The following C9orf85 variants were observed in gnomAD, a reference collection of about 807,000 sequenced individuals.
The protein encoded by C9orf85 is chromosome 9 open reading frame 85.
In C9orf85, 16 loss-of-function variants were observed where a neutral mutation model predicts 14.9. That is an observed-to-expected ratio of 1.08 (90% confidence interval 0.73 to 1.63). The LOEUF is 1.63. Ranked by LOEUF, C9orf85 falls within the 40% of genes most tolerant of loss-of-function variation. The pLI is 0.00. For synonymous variants in C9orf85, 45 were observed against 56.8 expected (o/e 0.79, Z 0.93); for missense variants, 172 against 186.1 (o/e 0.92, Z 0.44).
chr9:71,953,456 A>G (rs577540397), intron 2 of C9orf85, among the ~76,000 whole-genome samples: 1 of 152,346 alleles, frequency 6.6e-6, no homozygotes, highest in African/African-American at 2.4e-5. Flanking sequence ...AGGAGGAAAA[A>G]GCTAATATAA....
intron 2 of C9orf85, among the ~76,000 whole-genome samples, chr9:71,949,657 A>G (rs1421618518): frequency 6.6e-6 from 1 of 152,222 alleles, no homozygotes; most frequent in Non-Finnish European, 1.5e-5. Context: ...ATAAGGAAAC[A>G]AAGACCCAAA....
chr9:71,917,964 C>T (rs896046825), intron 1 of C9orf85, among the ~76,000 whole-genome samples: 10 of 152,170 alleles, frequency 6.6e-5, no homozygotes, highest in Admixed American at 1.3e-4. Context: ...AGGCAGATCA[C>T]TTGAGGTCAG....
At chr9:71,985,943 AT>A (rs759263370), downstream of C9orf85, 14 of 152,368 alleles carry the variant, frequency 9.2e-5, no homozygotes, top group Non-Finnish European at 1.6e-4. Context: ...TTTGCTAAAT[AT>A]TCATTTGCAA....
At chr9:71,967,856 G>A (rs1037981886) in intron 2 of C9orf85, among the ~76,000 whole-genome samples, 1 of 151,770 alleles carries the variant, frequency 6.6e-6, no homozygotes, top group Admixed American at 6.6e-5. Context: ...CATTAAGTAG[G>A]AAATTAGCTG....
intron 2 of C9orf85, among the ~76,000 whole-genome samples, chr9:71,949,583 A>C (rs1245612168): frequency 6.6e-6 from 1 of 152,214 alleles, no homozygotes; most frequent in Non-Finnish European, 1.5e-5. Context: ...AACAAAAACC[A>C]GATTAAGAAG....
intron 1 of C9orf85, among the ~76,000 whole-genome samples, chr9:71,944,361 T>G (rs1254824809): frequency 1.3e-5 from 2 of 152,146 alleles, no homozygotes; most frequent in Non-Finnish European, 2.9e-5. Context: ...ATTTGATAAG[T>G]AAGGGTTTCT....
At position 71,971,698 on chromosome 9, in the gene C9orf85, G is replaced by A. The variant is rs981038379; in HGVS notation, c.323+80G>A. 3.0e-6 allele frequency: 3 copies of A among 986,148 alleles called. No homozygotes were observed. In the African/African-American group the frequency reaches 4.9e-5, roughly 16 times the overall value. 61.1% of individuals were successfully genotyped at this position (986,148 alleles called of 1,614,324 possible). Reference sequence around the variant, plus strand: ...TCTTTTAAGAGATGATCCTTGCTAGGCGCAGTGGCTCACGCCTGTAATCCC... The same window carrying A: ...TCTTTTAAGAGATGATCCTTGCTAGACGCAGTGGCTCACGCCTGTAATCCC... On this transcript the variant is annotated intron_variant, in intron 3 of 3. Transcript: ENST00000334731.
At chr9:71,967,114 C>T (rs1822714647) in intron 2 of C9orf85, among the ~76,000 whole-genome samples, 1 of 152,132 alleles carries the variant, frequency 6.6e-6, no homozygotes, top group Non-Finnish European at 1.5e-5. Flanking sequence ...ACAAATTATT[C>T]TTTCTAGATC....
chr9:71,978,863 G>A (rs994817860), intron 3 of C9orf85, among the ~76,000 whole-genome samples: 4 of 152,090 alleles, frequency 2.6e-5, no homozygotes, highest in Non-Finnish European at 5.9e-5. Flanking sequence ...GTGAAACCCC[G>A]TCTCTACTAA....
chr9:71,960,289 A>G (rs1240428068), intron 2 of C9orf85, among the ~76,000 whole-genome samples: 1 of 152,202 alleles, frequency 6.6e-6, no homozygotes, highest in Admixed American at 6.5e-5. Flanking sequence ...GGCTGTCTTT[A>G]TATGTCCTGT....
chr9:71,931,459 C>T (rs1471259255), intron 1 of C9orf85, among the ~76,000 whole-genome samples: 2 of 152,310 alleles, frequency 1.3e-5, no homozygotes, highest in East Asian at 1.9e-4. Flanking sequence ...CAGAATTCAT[C>T]ACCCCAAAGA....
chr9:71,932,079 G>A (rs1308177333), intron 1 of C9orf85, among the ~76,000 whole-genome samples: 4 of 152,120 alleles, frequency 2.6e-5, no homozygotes, highest in African/African-American at 9.7e-5. Context: ...CTGTGATTCT[G>A]ATGTATGTGC....
chr9:71,971,523 G>A lies in C9orf85; in HGVS notation c.228G>A (p.Lys76=). The change falls in exon 3 of 4, where the codon AAG becomes AAA. Residue 76 remains lysine, a synonymous_variant. Transcript: ENST00000334731. ...ATTTTAGTGTTAAATGTTTACAAAA[G>A]ACAGTGAAGGATTCTTATCACATAA... ...KPKKCVKCLQ[K]TVKDSYHIMC... is the part of the protein sequence containing the mutation. 6.3e-7 allele frequency: 1 copy of A among 1,592,998 alleles called. No individual in the cohort carries two copies. The highest frequency in any genetic ancestry group is 8.6e-7 in the Non-Finnish European group (1 of 1,169,292).
At chr9:71,944,456 G>A (rs13288268) in intron 1 of C9orf85, among the ~76,000 whole-genome samples, 18,890 of 151,436 alleles carry the variant, frequency 0.12, 1,284 homozygotes, top group Middle Eastern at 0.15. Context: ...CTTGTTGAAC[G>A]AACTAAATGA....
At chr9:71,959,648 G>A (rs1282838362) in intron 2 of C9orf85, among the ~76,000 whole-genome samples, 1 of 152,162 alleles carries the variant, frequency 6.6e-6, no homozygotes, top group Non-Finnish European at 1.5e-5. Flanking sequence ...CCTAACTTAA[G>A]TAGAGTTTTC....
chr9:71,985,640 C>T (rs1207045397), downstream of C9orf85: 2 of 152,240 alleles, frequency 1.3e-5, no homozygotes, highest in Non-Finnish European at 2.9e-5. Context: ...TATAACCTAC[C>T]AATCCTGGCC....
chr9:71,952,823 G>A (rs1176937533), intron 2 of C9orf85, among the ~76,000 whole-genome samples: 6 of 150,844 alleles, frequency 4.0e-5, no homozygotes, highest in African/African-American at 1.5e-4. Context: ...TGTGGCAGAC[G>A]AATACCCCCA....
At chr9:71,986,047 A>C (rs1823206952), downstream of C9orf85, 1 of 152,260 alleles carries the variant, frequency 6.6e-6, no homozygotes, top group Non-Finnish European at 1.5e-5. Flanking sequence ...ACTCTTTAGC[A>C]ATAAAAAGAA....
intron 1 of C9orf85, among the ~76,000 whole-genome samples, chr9:71,933,838 G>A (rs1276536398): frequency 6.6e-6 from 1 of 152,118 alleles, no homozygotes; most frequent in Middle Eastern, 3.2e-3. Context: ...GCCTTCAGAA[G>A]GTCATGCCCA....
Sources: gnomAD v4.1 joint callset for allele counts (sites outside exome capture counted in the v4.1 genomes callset) on GRCh38, gnomAD v4.1.1 for gene constraint, MANE v1.5 for transcripts, NCBI Gene and HGNC (gene_info 2026-07-23, HGNC 2026-07-21) for gene names.